PALLD: variants seen among roughly 807,000 people sequenced by gnomAD.
The protein encoded by PALLD is palladin, cytoskeletal associated protein.
A neutral mutation model predicts 123.5 loss-of-function variants in PALLD; 61 were observed. The ratio of observed to expected loss-of-function variants is 0.49; its 90% CI spans 0.40 to 0.61. PALLD has a LOEUF of 0.61. Ranked by LOEUF, PALLD falls within the 20% of genes least tolerant of loss-of-function variation. The pLI is 0.00. For synonymous variants in PALLD, 465 were observed against 496.4 expected (o/e 0.94, Z 0.84); for missense variants, 1,273 against 1,377.0 (o/e 0.92, Z 1.20).
chr4:168,621,615 C>T (rs900430790), intron 2 of PALLD, among the ~76,000 whole-genome samples: 1 of 152,134 alleles, frequency 6.6e-6, no homozygotes, highest in South Asian at 2.1e-4. Flanking sequence ...GACCATATTA[C>T]CATATTTCCA....
chr4:168,770,957 G>A (rs1734328169), intron 10 of PALLD, among the ~76,000 whole-genome samples: 1 of 152,076 alleles, frequency 6.6e-6, no homozygotes, highest in Admixed American at 6.5e-5. Flanking sequence ...CTACTTGAGA[G>A]GCTGAGGCTG....
chr4:168,890,246 A>G (rs934565608), intron 10 of PALLD, among the ~76,000 whole-genome samples: 2 of 152,132 alleles, frequency 1.3e-5, no homozygotes, highest in African/African-American at 4.8e-5. Flanking sequence ...CACCTGTCCT[A>G]AGAGCCCTGG....
intron 10 of PALLD, among the ~76,000 whole-genome samples, chr4:168,719,242 A>C: frequency 6.9e-6 from 1 of 145,570 alleles, no homozygotes; most frequent in South Asian, 2.2e-4. Context: ...TAATTATCAA[A>C]AGTAATCTTC....
intron 10 of PALLD, among the ~76,000 whole-genome samples, chr4:168,853,527 CT>C (rs1748109659): frequency 6.6e-6 from 1 of 152,072 alleles, no homozygotes. Context: ...ACTGAAAGAC[CT>C]CGTGTGGTTT....
At chr4:168,729,240 A>G (rs563663119) in intron 10 of PALLD, among the ~76,000 whole-genome samples, 1 of 152,024 alleles carries the variant, frequency 6.6e-6, no homozygotes, top group African/African-American at 2.4e-5. Flanking sequence ...TTTGCTTTGG[A>G]TCTCAACCTC....
intron 10 of PALLD, among the ~76,000 whole-genome samples, chr4:168,790,031 A>G (rs1458568592): frequency 6.6e-6 from 1 of 151,944 alleles, no homozygotes; most frequent in Non-Finnish European, 1.5e-5. Context: ...TAAGACCAGA[A>G]TTTTGCAAAA....
intron 2 of PALLD, among the ~76,000 whole-genome samples, chr4:168,578,510 T>C (rs372923583): frequency 1.3e-5 from 2 of 152,110 alleles, no homozygotes; most frequent in South Asian, 2.1e-4. Context: ...CCTTCTGCCA[T>C]AATTGTAAGT....
At chr4:168,507,704 T>A (rs1356830881) in intron 1 of PALLD, 1 of 185,812 alleles carries the variant, frequency 5.4e-6, no homozygotes, top group South Asian at 2.0e-4. Context: ...AAAATGTAAG[T>A]CTGGTGATGT....
At position 168,709,222 on chromosome 4, in the gene PALLD, C is replaced by T. The variant is rs1049533106; in HGVS notation, c.1621+75C>T. On this transcript the variant is annotated intron_variant, in intron 9 of 21. Coordinates refer to ENST00000505667, the MANE Select transcript of PALLD (RefSeq NM_001166108.2). ...GTGGATGGCCACAGCAGAAAGGCAC[C>T]GTCCTGGCCAGGTGCAGTGGCTCAC... 1.8e-5 allele frequency: 27 copies of T among 1,521,436 alleles called. No homozygotes were observed. In the African/African-American group the frequency reaches 2.0e-4, roughly 12 times the overall value. 94.2% of individuals were successfully genotyped at this position (1,521,436 alleles called of 1,614,324 possible). A position where few individuals can be genotyped will look rare whatever the true frequency, so the allele number is the denominator to read the frequency against.
chr4:168,865,625 G>A (rs183126274), intron 10 of PALLD, among the ~76,000 whole-genome samples: 45 of 152,164 alleles, frequency 3.0e-4, no homozygotes, highest in African/African-American at 8.9e-4. Flanking sequence ...TTGAAAAGTC[G>A]TCTTTATAGT....
intron 2 of PALLD, among the ~76,000 whole-genome samples, chr4:168,594,052 T>C (rs1056517219): frequency 6.6e-6 from 1 of 152,212 alleles, no homozygotes; most frequent in African/African-American, 2.4e-5. Flanking sequence ...TTATTAACTC[T>C]TGTATTTGTC....
intron 2 of PALLD, among the ~76,000 whole-genome samples, chr4:168,603,623 C>T (rs535951454): frequency 5.3e-5 from 8 of 152,166 alleles, no homozygotes; most frequent in African/African-American, 1.9e-4. Context: ...CATAGTAGCC[C>T]TCAGGCTACA....
chr4:168,799,021 C>T (rs1031943715), intron 10 of PALLD, among the ~76,000 whole-genome samples: 3 of 152,112 alleles, frequency 2.0e-5, no homozygotes, highest in Non-Finnish European at 4.4e-5. Context: ...TCCGGGGGTG[C>T]CTTGTGGTCA....
rs1179734842 is a variant in PALLD at position 168,918,660 on chromosome 4, T to C, written c.2850+2633T>C. Among the ~76,000 whole-genome samples the C allele has an allele frequency of 3.9e-5, 6 of 152,272 alleles. No individual in the cohort carries two copies. The East Asian group carries it at 1.2e-3, about 29-fold the overall frequency. On this transcript the variant is annotated intron_variant, in intron 17 of 21. Coordinates refer to ENST00000505667, the MANE Select transcript of PALLD (RefSeq NM_001166108.2). ...AACGATGTACTATATACTTGAAAAT[T>C]GCTAAGAGTAGGTTTTAAGTGTTCT...
chr4:168,923,131 T>C (rs1450830984), intron 18 of PALLD, among the ~76,000 whole-genome samples: 1 of 152,218 alleles, frequency 6.6e-6, no homozygotes, highest in African/African-American at 2.4e-5. Flanking sequence ...TGCTATGACA[T>C]TAAGACTTGT....
intron 10 of PALLD, among the ~76,000 whole-genome samples, chr4:168,731,686 T>TA (rs1397728980): frequency 6.6e-6 from 1 of 152,354 alleles, no homozygotes; most frequent in Non-Finnish European, 1.5e-5. Context: ...ATTCCTCTGC[T>TA]ATGCTGAGTT....
At chr4:168,642,298 G>A (rs2723700) in intron 2 of PALLD, among the ~76,000 whole-genome samples, 90,748 of 152,034 alleles carry the variant, frequency 0.6, 28,629 homozygotes, top group African/African-American at 0.82. Context: ...GACATGGGAC[G>A]CAACCGAACT....
chr4:168,832,312 C>T, intron 10 of PALLD: 1 of 565,004 alleles, frequency 1.8e-6, no homozygotes, highest in Non-Finnish European at 2.2e-6. Context: ...CTCGTCAGCG[C>T]ACTTTCCACC....
chr4:168,520,296 A>C (rs1436144848), intron 2 of PALLD, among the ~76,000 whole-genome samples: 2 of 144,346 alleles, frequency 1.4e-5, no homozygotes, highest in African/African-American at 5.2e-5. Context: ...ACTGCACTCC[A>C]GGCTGGGTGA....
Sources: gnomAD v4.1 joint callset for allele counts (sites outside exome capture counted in the v4.1 genomes callset) on GRCh38, gnomAD v4.1.1 for gene constraint, MANE v1.5 for transcripts, NCBI Gene and HGNC (gene_info 2026-07-23, HGNC 2026-07-21) for gene names.